Variants in FSTL4 observed in about 807,000 individuals in gnomAD.
FSTL4 encodes follistatin like 4.
A neutral mutation model predicts 78.2 loss-of-function variants in FSTL4; 28 were observed. The observed-to-expected ratio is 0.36, with a 90% CI of 0.27 to 0.49. The LOEUF (loss-of-function observed/expected upper bound fraction) is 0.49. Among genes scored for constraint, FSTL4 ranks in the 20% least tolerant of loss-of-function variants. The pLI is 0.98. For missense variants in FSTL4, 922 were observed against 1,084.9 expected (o/e 0.85, Z 2.11); for synonymous variants, 422 against 440.5 (o/e 0.96, Z 0.53).
chr5:133,319,803 CCTT>C (rs770986936), intron 4 of FSTL4, among the ~76,000 whole-genome samples: 1 of 152,218 alleles, frequency 6.6e-6, no homozygotes, highest in East Asian at 1.9e-4. Flanking sequence ...AATCTTAAAT[CCTT>C]CTTTACCCCA....
chr5:133,739,185 C>T, the FSTL4 span, among the ~76,000 whole-genome samples: 11 of 152,158 alleles, frequency 7.2e-5, no homozygotes, highest in Non-Finnish European at 1.2e-4. Flanking sequence ...CAGAAATACT[C>T]TAACCCAGAG....
chr5:133,344,490 A>T (rs1754655024), intron 4 of FSTL4, among the ~76,000 whole-genome samples: 1 of 152,220 alleles, frequency 6.6e-6, no homozygotes, highest in South Asian at 2.1e-4. Context: ...CAGGTGACTC[A>T]CCTGTGCTGT....
the FSTL4 span, among the ~76,000 whole-genome samples, chr5:133,767,025 G>A: frequency 1.3e-5 from 2 of 152,314 alleles, no homozygotes; most frequent in South Asian, 4.1e-4. Context: ...TGAGGAGACA[G>A]AGTAGGAAAA....
chr5:133,316,703 G>T, intron 4 of FSTL4, 51 bp from the exon 5 acceptor site: 1 of 1,478,886 alleles, frequency 6.8e-7, no homozygotes, highest in South Asian at 1.2e-5. Context: ...GTGGTCTTGA[G>T]AGAACATTCT....
chr5:133,708,825 G>C, the FSTL4 span, among the ~76,000 whole-genome samples: 5 of 152,200 alleles, frequency 3.3e-5, no homozygotes, highest in African/African-American at 1.2e-4. Context: ...TCCTGAGATG[G>C]GGTTGGGAGA....
intron 4 of FSTL4, among the ~76,000 whole-genome samples, chr5:133,339,319 G>T (rs547048990): frequency 3.7e-4 from 57 of 152,198 alleles, no homozygotes; most frequent in Non-Finnish European, 3.7e-4. Flanking sequence ...TAGGGAGCAG[G>T]AATAGGACAC....
chr5:133,765,970 C>T, the FSTL4 span, among the ~76,000 whole-genome samples: 11 of 152,190 alleles, frequency 7.2e-5, no homozygotes, highest in Admixed American at 1.3e-4. Context: ...TTTCCCCACC[C>T]AGATGATGGG....
chr5:133,240,770 T>G (rs1751844635), intron 7 of FSTL4, among the ~76,000 whole-genome samples: 1 of 152,184 alleles, frequency 6.6e-6, no homozygotes. Flanking sequence ...CAATGAATAT[T>G]TGCTGATTTC....
At chr5:133,579,418 G>A (rs139898064) in intron 2 of FSTL4, among the ~76,000 whole-genome samples, 15 of 152,264 alleles carry the variant, frequency 9.9e-5, no homozygotes, top group East Asian at 3.9e-4. Context: ...CCTGTGATGC[G>A]TTCCTCATTC....
At chr5:133,230,590 C>T (rs1449672492) in intron 8 of FSTL4, among the ~76,000 whole-genome samples, 4 of 152,120 alleles carry the variant, frequency 2.6e-5, no homozygotes, top group East Asian at 1.9e-4. Context: ...TGAGCCAAAG[C>T]GGGTAAGATG....
chr5:133,545,744 T>C (rs566107764), intron 3 of FSTL4, among the ~76,000 whole-genome samples: 2 of 152,226 alleles, frequency 1.3e-5, no homozygotes, highest in Non-Finnish European at 2.9e-5. Context: ...AAAAAGTGAA[T>C]GCTAGAAAAA....
the FSTL4 span, among the ~76,000 whole-genome samples, chr5:133,834,732 T>A: frequency 6.6e-6 from 1 of 152,126 alleles, no homozygotes; most frequent in African/African-American, 2.4e-5. Context: ...AATATAAATC[T>A]GTATATTTAT....
chr5:133,833,508 G>A, the FSTL4 span, among the ~76,000 whole-genome samples: 2 of 152,170 alleles, frequency 1.3e-5, no homozygotes, highest in Admixed American at 6.5e-5. Flanking sequence ...GGAAGTTTCA[G>A]AGTCATGACC....
chr5:133,779,060 T>A, the FSTL4 span, among the ~76,000 whole-genome samples: 1 of 152,204 alleles, frequency 6.6e-6, no homozygotes, highest in Non-Finnish European at 1.5e-5. Context: ...CAGTGGCCCA[T>A]AGTACCCATC....
Position 133,323,821 on chromosome 5 carries a change from A to G in FSTL4, c.410-7169T>C, listed in dbSNP as rs991780169. On this transcript the variant is annotated intron_variant, in intron 4 of 15. Coordinates refer to ENST00000265342, the MANE Select transcript of FSTL4 (RefSeq NM_015082.2). ...GAGTGTGATCCTATTTTCATGTCAG[A>G]ACTTGGTAATGAACTACATTTATCA... 4.6e-5 allele frequency among the ~76,000 whole-genome samples: 7 copies of G among 152,364 alleles called. No homozygotes were observed. In the South Asian group the frequency reaches 1.4e-3, roughly 32 times the overall value.
At chr5:133,812,149 T>C in the FSTL4 span, among the ~76,000 whole-genome samples, 1 of 152,170 alleles carries the variant, frequency 6.6e-6, no homozygotes, top group Non-Finnish European at 1.5e-5. Flanking sequence ...ACCTCCAAAA[T>C]AAATCTTGAA....
chr5:133,397,691 T>C (rs1031752071), intron 4 of FSTL4, among the ~76,000 whole-genome samples: 1 of 152,132 alleles, frequency 6.6e-6, no homozygotes, highest in Non-Finnish European at 1.5e-5. Flanking sequence ...CTCTGAACTG[T>C]AGCAGCTTAG....
chr5:133,705,905 A>C, the FSTL4 span, among the ~76,000 whole-genome samples: 1 of 151,192 alleles, frequency 6.6e-6, no homozygotes, highest in East Asian at 1.9e-4. Context: ...TGGCTCTAGC[A>C]CTTCTCAGCT....
At chr5:133,534,255 C>A (rs246423) in intron 3 of FSTL4, among the ~76,000 whole-genome samples, 12,073 of 151,874 alleles carry the variant, frequency 0.079, 575 homozygotes, top group Non-Finnish European at 0.1. Flanking sequence ...ATCAGATGCA[C>A]ATTATTTTTC....
Sources: allele counts gnomAD v4.1 joint callset (sites outside exome capture counted in the v4.1 genomes callset), GRCh38; gene constraint gnomAD v4.1.1; transcripts MANE v1.5; gene names NCBI Gene and HGNC (gene_info 2026-07-23, HGNC 2026-07-21).